The following AGBL1 variants were observed in gnomAD, a reference collection of about 807,000 sequenced individuals.
The protein encoded by AGBL1 is AGBL carboxypeptidase 1.
A neutral mutation model predicts 118.9 loss-of-function variants in AGBL1; 130 were observed. The ratio of observed to expected loss-of-function variants is 1.09; its 90% confidence interval spans 0.95 to 1.26. AGBL1 has a LOEUF of 1.26. AGBL1 is among the 50% of genes most tolerant of loss of function. The pLI is 0.00. For synonymous variants in AGBL1, 555 were observed against 478.9 expected (o/e 1.16, Z -2.08); for missense variants, 1,584 against 1,298.1 (o/e 1.22, Z -3.38).
intron 23 of AGBL1, among the ~76,000 whole-genome samples, chr15:86,974,990 T>G (rs2081158928): frequency 6.6e-6 from 1 of 151,936 alleles, no homozygotes; most frequent in African/African-American, 2.4e-5. Flanking sequence ...GTCTAAGAGG[T>G]CTCTAAAATA....
At chr15:86,175,789 C>T (rs1397991865) in intron 5 of AGBL1, among the ~76,000 whole-genome samples, 6 of 152,122 alleles carry the variant, frequency 3.9e-5, no homozygotes, top group Non-Finnish European at 7.4e-5. Context: ...TTTAATTTCA[C>T]GTATTTCCAT....
At chr15:86,697,653 A>G (rs958492761) in intron 22 of AGBL1, among the ~76,000 whole-genome samples, 1 of 151,748 alleles carries the variant, frequency 6.6e-6, no homozygotes, top group Non-Finnish European at 1.5e-5. Context: ...GGGGAGTGTT[A>G]AAGAACCTTG....
intron 1 of AGBL1, among the ~76,000 whole-genome samples, chr15:86,129,601 G>A (rs1438109434): frequency 6.6e-6 from 1 of 152,226 alleles, no homozygotes; most frequent in Non-Finnish European, 1.5e-5. Flanking sequence ...TGCAACATCT[G>A]TAGATATTTT....
In AGBL1 at chr15:86,505,347, G is replaced by A. The variant is rs111452414; in HGVS notation, c.2556-17463G>A. Among the ~76,000 whole-genome samples, 182 of 151,614 alleles carry A rather than the reference G, an allele frequency of 1.2e-3. 3 individuals are homozygous for A. The Middle Eastern group carries it at 0.02, about 17-fold the overall frequency. On this transcript the variant is annotated intron_variant, in intron 18 of 22. Transcript: ENST00000614907. ...ATTACTTTTTTTTAACTATTTGTTC[G>A]TTCTGTCTCTTTGTCTCTCTATTGC... is the stretch of plus-strand genomic sequence containing the variant.
rs775743147 is a variant in AGBL1, at chr15:86,430,837, A to G, written c.2555+33291A>G. On this transcript the variant is annotated intron_variant, in intron 18 of 22. Transcript: ENST00000614907. ...ACGTATAACTTTGTGATACATATAC[A>G]TTTTTAAAATGAATTATTAAACTGG... Among the ~76,000 whole-genome samples, 13 of 152,230 alleles carry G rather than the reference A, an allele frequency of 8.5e-5. 1 individual carries two copies. The highest frequency in any genetic ancestry group is 1.9e-4 in the Non-Finnish European group (13 of 68,048).
At chr15:86,363,493 T>C (rs1344197017) in intron 17 of AGBL1, among the ~76,000 whole-genome samples, 1 of 152,194 alleles carries the variant, frequency 6.6e-6, no homozygotes, top group Non-Finnish European at 1.5e-5. Flanking sequence ...TTTGTATGGA[T>C]GATACATTTC....
chr15:87,017,188 C>G (rs1452502843), intron 24 of AGBL1, among the ~76,000 whole-genome samples: 1 of 152,120 alleles, frequency 6.6e-6, no homozygotes, highest in Non-Finnish European at 1.5e-5. Flanking sequence ...TTCTGGTTGA[C>G]TCAGCTTTTC....
At chr15:87,025,520 A>G (rs963220332) in intron 24 of AGBL1, among the ~76,000 whole-genome samples, 5 of 152,138 alleles carry the variant, frequency 3.3e-5, no homozygotes, top group African/African-American at 9.7e-5. Flanking sequence ...AAATGGAAAC[A>G]CATCCCATGC....
chr15:86,885,223 ATAT>A (rs1355727695), intron 22 of AGBL1, among the ~76,000 whole-genome samples: 1 of 152,160 alleles, frequency 6.6e-6, no homozygotes, highest in African/African-American at 2.4e-5. Context: ...TTGCTGTAAC[ATAT>A]TATGCATTAT....
Position 86,560,314 on chromosome 15 carries a change from G to A in AGBL1, c.2994+5777G>A, listed in dbSNP as rs184190105. Among the ~76,000 whole-genome samples the A allele has an allele frequency of 6.5e-3, 547 of 84,430 alleles. 7 individuals carry two copies. Among genetic ancestry groups the A allele is most frequent in the African/African-American group, 0.023 (499 of 21,832 alleles). 55.4% of individuals were successfully genotyped at this position (84,430 alleles called of 152,430 possible). On this transcript the variant is annotated intron_variant, in intron 21 of 22. Transcript: ENST00000614907. Reference sequence around the variant, plus strand: ...CCTCCCCACCCCCGCAACAGTCCCCGGTGTGTGATGTTCCCCTTCCTGTGT... The same window carrying A: ...CCTCCCCACCCCCGCAACAGTCCCCAGTGTGTGATGTTCCCCTTCCTGTGT...
chr15:86,153,601 A>G (rs568875221), intron 3 of AGBL1, among the ~76,000 whole-genome samples: 1 of 152,368 alleles, frequency 6.6e-6, no homozygotes, highest in African/African-American at 2.4e-5. Flanking sequence ...CAGCACATGT[A>G]TACATATGTA....
At chr15:86,393,437 C>T (rs537215658) in intron 17 of AGBL1, among the ~76,000 whole-genome samples, 1 of 152,264 alleles carries the variant, frequency 6.6e-6, no homozygotes, top group East Asian at 1.9e-4. Context: ...GTCCAATATG[C>T]TGCAAATGAA....
chr15:86,543,569 C>T (rs1206897132), intron 19 of AGBL1, among the ~76,000 whole-genome samples: 2 of 152,198 alleles, frequency 1.3e-5, no homozygotes, highest in Non-Finnish European at 2.9e-5. Context: ...AAGTTAGAGG[C>T]TTTGCCTTAA....
intron 24 of AGBL1, among the ~76,000 whole-genome samples, chr15:86,990,283 G>A (rs959767219): frequency 6.6e-6 from 1 of 152,170 alleles, no homozygotes; most frequent in Non-Finnish European, 1.5e-5. Context: ...GGGAGGCTGA[G>A]GCAGTTGGAT....
intron 21 of AGBL1, among the ~76,000 whole-genome samples, chr15:86,560,924 G>A (rs148514643): frequency 4.3e-4 from 66 of 152,122 alleles, no homozygotes; most frequent in Middle Eastern, 3.4e-3. Context: ...GTCTGTTGGC[G>A]GCATAAATGT....
In AGBL1 at chr15:86,792,505, A is replaced by G. The variant is rs149538616; in HGVS notation, c.3159-114582A>G. 8.6e-3 allele frequency among the ~76,000 whole-genome samples: 1,303 copies of G among 152,328 alleles called. 5 individuals carry two copies. Among genetic ancestry groups the G allele is most frequent in the Non-Finnish European group, 0.014 (983 of 68,028 alleles). On this transcript the variant is annotated intron_variant, in intron 22 of 22. Coordinates refer to ENST00000614907, the MANE Select transcript of AGBL1 (RefSeq NM_001386094.1). ...GTAAGATTTTTATTGGGAGTTTCATATGAGTTATGTGAATAACTTGGGTTC... is the reference window on the plus strand; with the variant it reads ...GTAAGATTTTTATTGGGAGTTTCATGTGAGTTATGTGAATAACTTGGGTTC...
chr15:86,842,683 T>C (rs1433226023), intron 22 of AGBL1, among the ~76,000 whole-genome samples: 1 of 152,162 alleles, frequency 6.6e-6, no homozygotes, highest in African/African-American at 2.4e-5. Context: ...ATTTGGCTCA[T>C]TCCAATTAGT....
At chr15:86,981,686 C>G (rs1270307236) in intron 23 of AGBL1, among the ~76,000 whole-genome samples, 1 of 151,924 alleles carries the variant, frequency 6.6e-6, no homozygotes, top group Non-Finnish European at 1.5e-5. Context: ...AATGATGGTC[C>G]TTGCTTGATT....
chr15:86,684,600 T>C (rs949214915), intron 22 of AGBL1, among the ~76,000 whole-genome samples: 4 of 152,006 alleles, frequency 2.6e-5, no homozygotes, highest in African/African-American at 7.2e-5. Flanking sequence ...GGATTACAGA[T>C]GTGAGCCACC....
Sources: allele counts gnomAD v4.1 joint callset (sites outside exome capture counted in the v4.1 genomes callset), GRCh38; gene constraint gnomAD v4.1.1; transcripts MANE v1.5; gene names NCBI Gene and HGNC (gene_info 2026-07-23, HGNC 2026-07-21).